Variants in TPH2 observed in about 807,000 individuals in gnomAD.
TPH2 encodes the protein tryptophan 5-hydroxylase 2.
A neutral mutation model predicts 59.1 loss-of-function variants in TPH2; 27 were observed. The ratio of observed to expected loss-of-function variants is 0.46; its 90% CI spans 0.34 to 0.63. The LOEUF (loss-of-function observed/expected upper bound fraction) is 0.63, where lower values mean the gene tolerates loss of function less well. Among genes scored for constraint, TPH2 ranks in the 30% least tolerant of loss-of-function variants. The pLI is 0.01. For missense variants in TPH2, 523 were observed against 588.3 expected (o/e 0.89, Z 1.15); for synonymous variants, 220 against 210.5 (o/e 1.05, Z -0.39).
chr12:72,008,794 G>T (rs1307437559), intron 8 of TPH2, among the ~76,000 whole-genome samples: 2 of 152,122 alleles, frequency 1.3e-5, no homozygotes, highest in African/African-American at 4.8e-5. Flanking sequence ...AGGGTAAGTT[G>T]TGACCAAGTG....
rs142628046 is a variant in TPH2 at position 71,973,444 on chromosome 12, C to T, written c.805+729C>T. Among the ~76,000 whole-genome samples the T allele has an allele frequency of 9.0e-4, 137 of 152,338 alleles. 4 individuals are homozygous for T. In the East Asian group the frequency reaches 0.014, roughly 15 times the overall value. On this transcript the variant is annotated intron_variant, in intron 6 of 10. Coordinates refer to ENST00000333850, the MANE Select transcript of TPH2 (RefSeq NM_173353.4). Reference sequence around the variant, plus strand: ...TGCTAAAAGACCCTCCCACCAGTGCCGTGACAGTTTACAGATGCCATGGCA... The same window carrying T: ...TGCTAAAAGACCCTCCCACCAGTGCTGTGACAGTTTACAGATGCCATGGCA...
intron 8 of TPH2, among the ~76,000 whole-genome samples, chr12:72,001,428 C>CTT (rs529030879): frequency 2.1e-5 from 3 of 141,040 alleles, no homozygotes; most frequent in Non-Finnish European, 3.1e-5. Flanking sequence ...GCTTTGTGTT[C>CTT]TTTTTTTTTT....
chr12:72,020,348 A>C (rs1404582211), intron 8 of TPH2, among the ~76,000 whole-genome samples: 1 of 152,214 alleles, frequency 6.6e-6, no homozygotes, highest in Non-Finnish European at 1.5e-5. Context: ...GATAGATGAT[A>C]AGCAGCACAT....
chr12:71,939,381 C>T (rs1870991759), intron 1 of TPH2, among the ~76,000 whole-genome samples: 2 of 94,222 alleles, frequency 2.1e-5, no homozygotes, highest in Admixed American at 1.5e-4. Flanking sequence ...GAATCAATGT[C>T]TTAAATCTAC....
At chr12:71,956,552 C>A (rs1186226062) in intron 5 of TPH2, among the ~76,000 whole-genome samples, 1 of 105,504 alleles carries the variant, frequency 9.5e-6, no homozygotes, top group East Asian at 3.2e-4. Context: ...TCCCTCCTTC[C>A]CTCCTTCCTT....
At position 72,022,470 on chromosome 12, in the gene TPH2, C is replaced by G; in HGVS notation, c.1140C>G (p.Leu380=). 6.2e-7 allele frequency: 1 copy of G among 1,613,532 alleles called. No homozygotes were observed. The highest frequency in any genetic ancestry group is 8.5e-7 in the Non-Finnish European group (1 of 1,179,504). The part of the protein sequence containing the change: ...EGQLRAYGAG[L]LSSIGELKHA... The stretch of plus-strand genomic sequence containing the variant: ...AACTGCGGGCATATGGAGCAGGACT[C>G]CTTTCCTCCATTGGAGAATTAAAGG... The change falls in exon 9 of 11, where the codon CTC becomes CTG. Residue 380 remains leucine, a synonymous_variant. Transcript: ENST00000333850.
intron 5 of TPH2, chr12:71,962,361 A>G (rs566317896): frequency 1.0e-6 from 1 of 985,456 alleles, no homozygotes; most frequent in South Asian, 4.7e-5. Flanking sequence ...TATTTAGTTA[A>G]GTTCGGACTT....
intron 7 of TPH2, among the ~76,000 whole-genome samples, chr12:71,992,052 A>G (rs1250102508): frequency 6.6e-6 from 1 of 152,200 alleles, no homozygotes; most frequent in Non-Finnish European, 1.5e-5. Flanking sequence ...GCCATTCGGT[A>G]TTTTTAAAAT....
intron 9 of TPH2, among the ~76,000 whole-genome samples, chr12:72,026,982 G>C (rs1352585304): frequency 6.6e-6 from 1 of 151,742 alleles, no homozygotes; most frequent in African/African-American, 2.4e-5. Flanking sequence ...ACTGTGATGT[G>C]AGTGTAAAGT....
chr12:71,994,428 T>C lies in TPH2; in HGVS notation c.942-11T>C. 6.2e-7 allele frequency: 1 copy of C among 1,613,212 alleles called. No individual in the cohort carries two copies. On this transcript the variant is annotated splice_polypyrimidine_tract_variant and intron_variant, in intron 7 of 10. Transcript: ENST00000333850. ...TTATTTAACACGTCTTTGTGATGTC[T>C]TTTTTGTCAGAGACACATGCCATGA...
intron 7 of TPH2, among the ~76,000 whole-genome samples, chr12:71,992,579 G>A (rs1379709888): frequency 1.3e-5 from 2 of 151,764 alleles, no homozygotes; most frequent in East Asian, 1.9e-4. Flanking sequence ...ACTGTAGCCC[G>A]AGCAACAAAG....
At chr12:72,019,199 C>G (rs921342905) in intron 8 of TPH2, among the ~76,000 whole-genome samples, 23 of 152,320 alleles carry the variant, frequency 1.5e-4, no homozygotes, top group Middle Eastern at 3.4e-3. Flanking sequence ...CCTGCCATCC[C>G]TAGCCCAAGT....
chr12:71,964,848 T>A (rs891001730), intron 5 of TPH2: 1 of 582,278 alleles, frequency 1.7e-6, no homozygotes, highest in African/African-American at 2.0e-5. Context: ...TAAACACATG[T>A]CATGGGGTTT....
intron 5 of TPH2, chr12:71,962,358 T>C: frequency 1.0e-6 from 1 of 985,478 alleles, no homozygotes; most frequent in Non-Finnish European, 1.2e-6. Flanking sequence ...CTGTATTTAG[T>C]TAAGTTCGGA....
intron 7 of TPH2, among the ~76,000 whole-genome samples, chr12:71,983,974 G>A (rs1278782747): frequency 6.6e-6 from 1 of 152,150 alleles, no homozygotes; most frequent in Admixed American, 6.5e-5. Context: ...CCATATGGGT[G>A]TGGTGTTCTA....
At chr12:71,968,811 G>A (rs1440985051) in intron 5 of TPH2, among the ~76,000 whole-genome samples, 2 of 152,216 alleles carry the variant, frequency 1.3e-5, no homozygotes, top group African/African-American at 2.4e-5. Flanking sequence ...GTTGGTGATA[G>A]GGCCATTTGT....
chr12:71,949,466 C>A, intron 4 of TPH2, 122 bp from the exon 5 acceptor site: 1 of 774,760 alleles, frequency 1.3e-6, no homozygotes, highest in Non-Finnish European at 2.2e-6. Context: ...ATCAAGATGG[C>A]CATCCTAGGA....
At chr12:71,961,772 G>C in intron 5 of TPH2, 1 of 1,312,232 alleles carries the variant, frequency 7.6e-7, no homozygotes, top group Non-Finnish European at 1.0e-6. Flanking sequence ...TGAGAAAATA[G>C]TGGGAAGCCC....
At chr12:72,030,583 G>A (rs1304865117) in intron 9 of TPH2, among the ~76,000 whole-genome samples, 1 of 152,126 alleles carries the variant, frequency 6.6e-6, no homozygotes. Context: ...CAGCTTTCCT[G>A]TTTTTCTAAT....
Sources: gnomAD v4.1 joint callset for allele counts (sites outside exome capture counted in the v4.1 genomes callset) on GRCh38, gnomAD v4.1.1 for gene constraint, MANE v1.5 for transcripts, NCBI Gene and HGNC (gene_info 2026-07-23, HGNC 2026-07-21) for gene names.